The following APBB2 variants were observed in gnomAD, a reference collection of about 807,000 sequenced individuals.
APBB2 encodes Fe65-like 1.
In APBB2, 38 loss-of-function variants were observed where a neutral mutation model predicts 82.5. That is an observed-to-expected ratio of 0.46 (90% CI 0.36 to 0.60). The LOEUF (loss-of-function observed/expected upper bound fraction) is 0.60. APBB2 is among the 20% of genes least tolerant of loss of function. The probability of loss-of-function intolerance (pLI) is 0.00; values close to 1 mark genes in which losing one functional copy is unlikely to be tolerated. For missense variants in APBB2, 772 were observed against 972.3 expected (o/e 0.79, Z 2.74); for synonymous variants, 341 against 368.2 (o/e 0.93, Z 0.85).
intron 12 of APBB2, among the ~76,000 whole-genome samples, chr4:40,882,583 G>A (rs1578175431): frequency 6.6e-6 from 1 of 152,314 alleles, no homozygotes; most frequent in East Asian, 1.9e-4. Context: ...AAGCAAAGGA[G>A]GGAGCAAGTT....
chr4:41,014,393 A>G lies in APBB2; in HGVS notation c.25T>C (p.Ser9Pro). Residue 9 changes from serine (S) to proline (P), a missense_variant, in exon 6 of 18, where the codon TCA (serine) becomes CCA (proline). Coordinates refer to ENST00000508593, the MANE Select transcript of APBB2 (RefSeq NM_004307.2). MSEVLPAD[S>P]GVDTLAVFMA... is the part of the protein sequence containing the mutation. ...AACACTGCCAAGGTGTCAACACCTG[A>G]GTCAGCTGGGGAAAAAAAAAGTCAT... 5 of 1,613,724 alleles carry G rather than the reference A, an allele frequency of 3.1e-6. No homozygotes were observed. The highest frequency in any genetic ancestry group is 4.2e-6 in the Non-Finnish European group (5 of 1,179,798).
At chr4:41,159,072 T>G (rs534656040) in intron 1 of APBB2, among the ~76,000 whole-genome samples, 6 of 152,228 alleles carry the variant, frequency 3.9e-5, no homozygotes, top group Non-Finnish European at 7.4e-5. Flanking sequence ...TGAACCACAA[T>G]CAGACCTGAA....
chr4:40,919,366 C>A (rs904197818), intron 10 of APBB2, among the ~76,000 whole-genome samples: 4 of 152,072 alleles, frequency 2.6e-5, no homozygotes, highest in Non-Finnish European at 5.9e-5. Flanking sequence ...CTGGAAGTTA[C>A]GTGAAAACTT....
chr4:40,988,664 CA>C (rs373935285), intron 6 of APBB2, among the ~76,000 whole-genome samples: 88,461 of 114,434 alleles, frequency 0.77, 33,688 homozygotes, highest in East Asian at 0.83. Flanking sequence ...AAGACTGTCT[CA>C]AAAAAAAAAA....
chr4:40,893,447 A>G (rs1772688834), intron 10 of APBB2, 36 bp from the exon 11 acceptor site: 4 of 1,575,478 alleles, frequency 2.5e-6, no homozygotes, highest in Non-Finnish European at 3.5e-6. Flanking sequence ...AAGTCACTCC[A>G]TGGTTTGGTC....
chr4:41,104,544 G>T (rs1003877977), intron 2 of APBB2, among the ~76,000 whole-genome samples: 5 of 152,104 alleles, frequency 3.3e-5, no homozygotes, highest in Non-Finnish European at 5.9e-5. Context: ...TGGATAAATT[G>T]TGTGTCGTGG....
intron 4 of APBB2, among the ~76,000 whole-genome samples, chr4:41,045,676 TTGTA>T (rs1723140685): frequency 6.6e-6 from 1 of 152,222 alleles, no homozygotes; most frequent in Non-Finnish European, 1.5e-5. Flanking sequence ...CTTAAAAAGT[TTGTA>T]TGGGATCTAA....
chr4:41,030,565 C>A (rs1313156723), intron 5 of APBB2, among the ~76,000 whole-genome samples: 1 of 152,134 alleles, frequency 6.6e-6, no homozygotes, highest in African/African-American at 2.4e-5. Flanking sequence ...ACACCTAGCT[C>A]TCTTCCCTGC....
chr4:41,052,956 G>T (rs1314741009), intron 4 of APBB2, among the ~76,000 whole-genome samples: 2 of 151,840 alleles, frequency 1.3e-5, no homozygotes, highest in African/African-American at 4.8e-5. Context: ...GTAGTGACGG[G>T]GTTTCACCAT....
intron 12 of APBB2, among the ~76,000 whole-genome samples, chr4:40,837,447 A>G (rs1448236604): frequency 6.6e-6 from 1 of 152,260 alleles, no homozygotes; most frequent in Non-Finnish European, 1.5e-5. Flanking sequence ...CGCAGGGTCC[A>G]GGCTTCAGCA....
intron 1 of APBB2, among the ~76,000 whole-genome samples, chr4:41,192,337 T>C (rs1347491956): frequency 2.0e-5 from 3 of 152,156 alleles, no homozygotes; most frequent in African/African-American, 7.2e-5. Context: ...ATATCTGCAG[T>C]GCCATGTTCA....
At chr4:40,857,284 G>C (rs1690521219) in intron 12 of APBB2, 1 of 580,350 alleles carries the variant, frequency 1.7e-6, no homozygotes, top group African/African-American at 2.0e-5. Context: ...CCCGCTAGGT[G>C]CTCCCGCCAG....
At position 40,838,136 on chromosome 4, in the gene APBB2, CATTATTATTATTATT is replaced by C. The variant is rs68050698; in HGVS notation, c.1530-7574_1530-7560del. 1.6e-3 allele frequency among the ~76,000 whole-genome samples: 233 copies of C among 142,182 alleles called. 1 individual carries two copies. The highest frequency in any genetic ancestry group is 4.5e-3 in the South Asian group (20 of 4,402). The allele number at this position is 142,182 out of a possible 152,430, so 93.3% of individuals were successfully genotyped here. A position where few individuals can be genotyped will look rare whatever the true frequency, so the allele number is the denominator to read the frequency against. On this transcript the variant is annotated intron_variant, in intron 12 of 17. Coordinates refer to ENST00000508593, the MANE Select transcript of APBB2 (RefSeq NM_004307.2). ...ATAAATGATTCTTTATTCAAGTGGG[CATTATTATTATTATT>C]ATTATTATTATTATTATTATTATTA...
At chr4:41,040,853 C>T (rs774539245) in intron 4 of APBB2, among the ~76,000 whole-genome samples, 17 of 152,160 alleles carry the variant, frequency 1.1e-4, no homozygotes, top group Non-Finnish European at 2.4e-4. Context: ...CAAAATAAAG[C>T]ACACTTGAGA....
At chr4:41,170,639 G>C (rs57352129) in intron 1 of APBB2, among the ~76,000 whole-genome samples, 1 of 152,210 alleles carries the variant, frequency 6.6e-6, no homozygotes, top group East Asian at 1.9e-4. Context: ...ACAACCAAAT[G>C]CAACATCTAA....
chr4:41,119,149 AT>A (rs11384154), intron 2 of APBB2, among the ~76,000 whole-genome samples: 1 of 146,580 alleles, frequency 6.8e-6, no homozygotes, highest in Non-Finnish European at 1.5e-5. Context: ...AAAATAATTG[AT>A]TTTTTTTTTT....
intron 17 of APBB2, among the ~76,000 whole-genome samples, chr4:40,820,128 G>A (rs1023413529): frequency 2.6e-5 from 4 of 152,186 alleles, no homozygotes; most frequent in East Asian, 1.9e-4. Context: ...CCGTAAGTGC[G>A]AGGCTGAATT....
At chr4:41,161,131 T>C (rs1765031795) in intron 1 of APBB2, among the ~76,000 whole-genome samples, 1 of 136,920 alleles carries the variant, frequency 7.3e-6, no homozygotes, top group Non-Finnish European at 1.5e-5. Flanking sequence ...ACTGACAGCA[T>C]GTATTACAGA....
chr4:40,830,467 G>A lies in APBB2; in HGVS notation c.1640C>T (p.Ser547Phe), dbSNP rs766481395. ...AIATSLHEICSKIMAERKNAK... is the reference protein window; with the variant it reads ...AIATSLHEICFKIMAERKNAK... ...TACTGCCCTGACCCACCTTACCTTG[G>A]AGCAGATCTCGTGGAGACTTGTGGC... Residue 547 changes from serine (S) to phenylalanine (F), a missense_variant, in exon 13 of 18, where the codon TCC (serine) becomes TTC (phenylalanine). By Grantham distance (155) the Ser-to-Phe change is radical. Transcript: ENST00000508593. 3.1e-6 allele frequency: 5 copies of A among 1,612,410 alleles called. No individual in the cohort carries two copies. In the South Asian group the frequency reaches 3.3e-5, roughly 11 times the overall value.
Sources: allele counts gnomAD v4.1 joint callset (sites outside exome capture counted in the v4.1 genomes callset), GRCh38; gene constraint gnomAD v4.1.1; transcripts MANE v1.5; gene names NCBI Gene and HGNC (gene_info 2026-07-23, HGNC 2026-07-21).